The following COBL variants were observed in gnomAD, a reference collection of about 807,000 sequenced individuals.
The protein encoded by COBL is protein cordon-bleu.
Under a neutral mutation model 98.8 loss-of-function variants are expected in COBL, and 51 were observed. That is an observed-to-expected ratio of 0.52 (90% confidence interval 0.41 to 0.65). The LOEUF is 0.65. COBL is among the 30% of genes least tolerant of loss of function. The pLI, the probability that COBL is intolerant of heterozygous loss-of-function variation, is 0.00. For missense variants in COBL, 1,617 were observed against 1,617.5 expected, an observed-to-expected ratio of 1.00 and a Z score of 0.01; for synonymous variants, 634 against 651.7, an observed-to-expected ratio of 0.97 and a Z score of 0.41.
chr7:51,167,658 C>G (rs1018182776), intron 5 of COBL, among the ~76,000 whole-genome samples: 1 of 152,052 alleles, frequency 6.6e-6, no homozygotes, highest in Non-Finnish European at 1.5e-5. Context: ...GAAGGAATCA[C>G]ATTACCTGAC....
intron 2 of COBL, among the ~76,000 whole-genome samples, chr7:51,218,420 C>T (rs898794370): frequency 1.3e-5 from 2 of 152,136 alleles, no homozygotes; most frequent in South Asian, 2.1e-4. Flanking sequence ...TAATTTTCAC[C>T]GTTATCCATT....
chr7:51,029,783 G>A (rs1787973527), intron 9 of COBL, among the ~76,000 whole-genome samples, 192 bp from the exon 10 acceptor site: 1 of 152,180 alleles, frequency 6.6e-6, no homozygotes. Flanking sequence ...ACTCAACACA[G>A]CTGTTTGCAG....
intron 6 of COBL, among the ~76,000 whole-genome samples, chr7:51,111,145 C>G (rs1796784264): frequency 6.6e-6 from 1 of 152,166 alleles, no homozygotes; most frequent in Admixed American, 6.5e-5. Flanking sequence ...CTGCAATAAA[C>G]ATGGGGGTGC....
rs552045352 is a variant in COBL, at chr7:51,237,575, G to A, written c.42-17631C>T. ...AAAAAAACTTCCAAAATAGGAGAGG[G>A]TGTAGTAATACATATGCCATATGTC... On this transcript the variant is annotated intron_variant, in intron 1 of 12. Coordinates refer to ENST00000265136, the MANE Select transcript of COBL (RefSeq NM_015198.5). Among the ~76,000 whole-genome samples the A allele has an allele frequency of 1.9e-3, 283 of 149,594 alleles. 1 individual carries two copies. Among genetic ancestry groups the A allele is most frequent in the Non-Finnish European group, 2.8e-3 (192 of 67,704 alleles).
chr7:51,298,776 TAAC>T (rs1584438976), intron 1 of COBL, among the ~76,000 whole-genome samples: 1 of 152,210 alleles, frequency 6.6e-6, no homozygotes, highest in Non-Finnish European at 1.5e-5. Context: ...CAGGAGTTAA[TAAC>T]AACAACTGCA....
intron 7 of COBL, among the ~76,000 whole-genome samples, chr7:51,051,771 C>A (rs1427492186): frequency 6.6e-6 from 1 of 152,214 alleles, no homozygotes; most frequent in Non-Finnish European, 1.5e-5. Context: ...GAGACGGACG[C>A]TTGCATTCCG....
chr7:51,063,813 T>G (rs1363930483), intron 7 of COBL, among the ~76,000 whole-genome samples: 1 of 152,204 alleles, frequency 6.6e-6, no homozygotes, highest in African/African-American at 2.4e-5. Context: ...TAGGATCTGT[T>G]GACTCCAACC....
intron 7 of COBL, chr7:51,065,213 CGT>C (rs1182792230): frequency 4.3e-6 from 3 of 702,944 alleles, no homozygotes; most frequent in African/African-American, 3.5e-5. Context: ...TGTGTGTGTG[CGT>C]GTGTGTGTCT....
At chr7:51,285,414 G>T (rs1172516754) in intron 1 of COBL, among the ~76,000 whole-genome samples, 1 of 148,442 alleles carries the variant, frequency 6.7e-6, no homozygotes, top group Non-Finnish European at 1.5e-5. Context: ...TCACAGAATT[G>T]ATAGAGTTTA....
At chr7:51,282,526 C>T (rs2129177804) in intron 1 of COBL, among the ~76,000 whole-genome samples, 1 of 152,082 alleles carries the variant, frequency 6.6e-6, no homozygotes, top group African/African-American at 2.4e-5. Context: ...ATATAACAAT[C>T]CTAAACTTCA....
intron 5 of COBL, among the ~76,000 whole-genome samples, chr7:51,138,534 G>A (rs1050678178): frequency 2.0e-5 from 3 of 152,182 alleles, no homozygotes; most frequent in African/African-American, 7.2e-5. Context: ...CAGGGGGAAT[G>A]CAAACCCCAT....
At chr7:51,148,654 T>C (rs1785262455) in intron 5 of COBL, among the ~76,000 whole-genome samples, 1 of 152,140 alleles carries the variant, frequency 6.6e-6, no homozygotes, top group South Asian at 2.1e-4. Context: ...TTCCTGGGAA[T>C]CCTACCAACT....
At position 51,025,114 on chromosome 7, in the gene COBL, T is replaced by G. The variant is rs1347138925; in HGVS notation, c.3763A>C (p.Arg1255=). ...GCACACACAGTCGCCATCACCTTTC[T>G]CAGTCTCGCAGCCCCTGTGCCGGAG... The part of the protein sequence containing the change: ...IRSGTGAARL[R]KVPLLV Residue 1255 remains arginine (R), a synonymous_variant, in exon 12 of 13, where the codon AGA becomes CGA. Transcript: ENST00000265136. 2 of 1,611,924 alleles carry G rather than the reference T, an allele frequency of 1.2e-6. No individual in the cohort carries two copies. The highest frequency in any genetic ancestry group is 8.5e-7 in the Non-Finnish European group (1 of 1,179,852).
rs553914273 is a variant in COBL at position 51,034,233 on chromosome 7, T to C, written c.1407-3324A>G. ...CACACTTCAGTGTGGGGCTGGCTCCTTGGGGCCCTGCTTGCCCTGAAAGAA... is the reference window on the plus strand; with the variant it reads ...CACACTTCAGTGTGGGGCTGGCTCCCTGGGGCCCTGCTTGCCCTGAAAGAA... On this transcript the variant is annotated intron_variant, in intron 8 of 12. Coordinates refer to ENST00000265136, the MANE Select transcript of COBL (RefSeq NM_015198.5). 4 of 152,540 alleles carry C rather than the reference T, an allele frequency of 2.6e-5. No homozygotes were observed. The East Asian group carries it at 7.7e-4, about 29-fold the overall frequency. The allele number at this position is 152,540 out of a possible 1,614,324, so 9.4% of individuals were successfully genotyped here.
intron 5 of COBL, among the ~76,000 whole-genome samples, chr7:51,162,125 T>TG (rs1293132419): frequency 6.6e-6 from 1 of 152,178 alleles, no homozygotes; most frequent in African/African-American, 2.4e-5. Flanking sequence ...CCCCGTGTCT[T>TG]GGAGTCCAGA....
chr7:51,246,908 T>G (rs533834925), intron 1 of COBL, among the ~76,000 whole-genome samples: 1 of 152,158 alleles, frequency 6.6e-6, no homozygotes, highest in Non-Finnish European at 1.5e-5. Flanking sequence ...GTTCCCAAAA[T>G]AGCCTAGGGT....
chr7:51,218,759 C>T (rs372674812), intron 2 of COBL, among the ~76,000 whole-genome samples: 42 of 152,292 alleles, frequency 2.8e-4, no homozygotes, highest in African/African-American at 8.4e-4. Flanking sequence ...TACAGGCCAC[C>T]GTGCCCAGCC....
Position 51,219,850 on chromosome 7 carries a change from C to T in COBL, c.136G>A (p.Gly46Arg), listed in dbSNP as rs566661748. Reference sequence around the variant, plus strand: ...ATGCGAACCAAGTTCTGCTGCGACCCGAGGGCCCCATCGTGGGGGGGCTTC... The same window carrying T: ...ATGCGAACCAAGTTCTGCTGCGACCTGAGGGCCCCATCGTGGGGGGGCTTC... Reference protein sequence around the residue: ...DQKPPHDGALGSQQNLVRMKE... With the variant: ...DQKPPHDGALRSQQNLVRMKE... The change falls in exon 2 of 13, where the codon GGG becomes AGG. Residue 46 changes from glycine to arginine, a missense_variant. Gly to Arg is a moderately radical substitution (Grantham distance 125). This residue lies in a region of COBL where 238 missense variants were observed against 215.0 expected (regional missense o/e 1.11). Coordinates refer to ENST00000265136, the MANE Select transcript of COBL (RefSeq NM_015198.5). 2.9e-5 allele frequency: 47 copies of T among 1,613,940 alleles called. No homozygotes were observed. Among genetic ancestry groups the T allele is most frequent in the African/African-American group, 6.7e-5 (5 of 75,036 alleles).
At chr7:51,096,613 G>A (rs1357505001) in intron 6 of COBL, among the ~76,000 whole-genome samples, 2 of 151,930 alleles carry the variant, frequency 1.3e-5, no homozygotes, top group Non-Finnish European at 2.9e-5. Flanking sequence ...CTTAGTTACA[G>A]TAAGTAAAAA....
Sources: allele counts gnomAD v4.1 joint callset (sites outside exome capture counted in the v4.1 genomes callset), GRCh38; gene constraint gnomAD v4.1.1; regional missense constraint gnomAD v4.1.1; transcripts MANE v1.5; gene names NCBI Gene and HGNC (gene_info 2026-07-23, HGNC 2026-07-21).